The following PPM1E variants were observed in gnomAD, a reference collection of about 807,000 sequenced individuals.
The protein encoded by PPM1E is protein phosphatase 1E.
PPM1E carries 20 observed loss-of-function variants against 65.9 expected under a neutral mutation model. That is an observed-to-expected ratio of 0.30 (90% CI 0.21 to 0.44). The LOEUF (loss-of-function observed/expected upper bound fraction) is 0.44. PPM1E is among the 20% of genes least tolerant of loss of function. The probability of loss-of-function intolerance (pLI) is 1.00; values close to 1 mark genes in which losing one functional copy is unlikely to be tolerated. For synonymous variants in PPM1E, 352 were observed against 374.9 expected (o/e 0.94, Z 0.70); for missense variants, 713 against 953.1 (o/e 0.75, Z 3.32).
intron 1 of PPM1E, among the ~76,000 whole-genome samples, chr17:58,883,346 T>C (rs945985696): frequency 6.6e-6 from 1 of 152,136 alleles, no homozygotes; most frequent in Non-Finnish European, 1.5e-5. Flanking sequence ...CTCTTGGAAA[T>C]AATTTTTTTC....
chr17:58,932,527 A>G (rs2051915305), intron 1 of PPM1E, among the ~76,000 whole-genome samples: 1 of 152,204 alleles, frequency 6.6e-6, no homozygotes, highest in South Asian at 2.1e-4. Context: ...GAACTAATTT[A>G]TTAACATAAA....
chr17:58,801,726 C>A (rs551401307), intron 1 of PPM1E, among the ~76,000 whole-genome samples: 37 of 151,494 alleles, frequency 2.4e-4, no homozygotes, highest in Non-Finnish European at 3.7e-4. Flanking sequence ...CAGGTTTGAG[C>A]CACCACGCTC....
rs66678128 is a variant in PPM1E at position 58,772,974 on chromosome 17, CTT to C, written c.464+16525_464+16526del. 2.0e-4 allele frequency among the ~76,000 whole-genome samples: 30 copies of C among 146,802 alleles called. 1 individual carries two copies. Among genetic ancestry groups the C allele is most frequent in the South Asian group, 6.5e-4 (3 of 4,650 alleles). ...TAAATTGTAAAATATCTTTCTCTCT[CTT>C]TTTTTTTTTTTCCTCTGATCGTTTC... On this transcript the variant is annotated intron_variant, in intron 1 of 6. Transcript: ENST00000308249.
intron 1 of PPM1E, among the ~76,000 whole-genome samples, chr17:58,835,434 A>AT (rs1031756951): frequency 6.6e-6 from 1 of 151,534 alleles, no homozygotes; most frequent in African/African-American, 2.4e-5. Flanking sequence ...CCGAATTTTA[A>AT]TTTTTTTTTA....
chr17:58,859,980 A>G (rs190561063), intron 1 of PPM1E, among the ~76,000 whole-genome samples: 44 of 152,316 alleles, frequency 2.9e-4, no homozygotes, highest in African/African-American at 1.0e-3. Context: ...CTAAAGCCAT[A>G]TGGTTCTGCA....
intron 1 of PPM1E, among the ~76,000 whole-genome samples, chr17:58,942,881 C>T (rs1293450232): frequency 6.6e-6 from 1 of 151,522 alleles, no homozygotes; most frequent in Admixed American, 6.6e-5. Context: ...CTCAATTCTG[C>T]CTGATGCAGT....
chr17:58,859,210 G>C (rs1477448984), intron 1 of PPM1E, among the ~76,000 whole-genome samples: 1 of 152,174 alleles, frequency 6.6e-6, no homozygotes, highest in African/African-American at 2.4e-5. Context: ...AGGAAGATCA[G>C]TTCTACATTC....
chr17:58,833,456 A>G (rs745941883), intron 1 of PPM1E, among the ~76,000 whole-genome samples: 5 of 151,500 alleles, frequency 3.3e-5, no homozygotes, highest in African/African-American at 9.7e-5. Flanking sequence ...TTTAGCTCCC[A>G]CTTATAAGTG....
intron 4 of PPM1E, 102 bp downstream of exon 4, chr17:58,969,829 C>A: frequency 9.1e-7 from 1 of 1,094,578 alleles, no homozygotes; most frequent in Non-Finnish European, 1.3e-6. Context: ...TCTGGGCAGA[C>A]ATTATCCAAA....
chr17:58,767,415 A>C (rs1216654344), intron 1 of PPM1E, among the ~76,000 whole-genome samples: 1 of 152,196 alleles, frequency 6.6e-6, no homozygotes, highest in Non-Finnish European at 1.5e-5. Context: ...TATGATTCTC[A>C]TGCTACATTA....
At chr17:58,768,142 G>A (rs1028232204) in intron 1 of PPM1E, among the ~76,000 whole-genome samples, 2 of 152,088 alleles carry the variant, frequency 1.3e-5, no homozygotes, top group East Asian at 1.9e-4. Flanking sequence ...AGTAGAGATG[G>A]GGTTTCACCA....
rs902719453 is a variant in PPM1E, at chr17:58,983,177, A to T, written c.*2146A>T. On this transcript the variant is annotated 3_prime_UTR_variant, in exon 7 of 7. Transcript: ENST00000308249. ...GTCTGGATTTTGTAGGTCCGACTAC[A>T]CAGCAGTGTTAACTCATTTCTCATG... 1.7e-5 allele frequency: 7 copies of T among 413,710 alleles called. No homozygotes were observed. The highest frequency in any genetic ancestry group is 2.6e-5 in the Non-Finnish European group (6 of 229,456). The allele number at this position is 413,710 out of a possible 1,614,324, so 25.6% of individuals were successfully genotyped here.
chr17:58,918,779 C>G (rs1053901022), intron 1 of PPM1E, among the ~76,000 whole-genome samples: 16 of 145,640 alleles, frequency 1.1e-4, no homozygotes, highest in African/African-American at 4.1e-4. Context: ...GCACTCCAGC[C>G]TCGGTGACAA....
rs201186780 is a variant in PPM1E, at chr17:58,756,096, G to GGAACCC, written c.126_131dup (p.Pro43_Glu44dup). 0.6 allele frequency: 960,311 copies of GGAACCC among 1,597,566 alleles called. 296,551 individuals carry two copies. The highest frequency in any genetic ancestry group is 0.68 in the African/African-American group (50,260 of 74,004). ...CGTGCGGCGGCGGCGAGCCGGAGCC[G>GGAACCC]GAACCCGAACCCGAACCCGAACCCG... On this transcript the variant is annotated inframe_insertion, in exon 1 of 7. Coordinates refer to ENST00000308249, the MANE Select transcript of PPM1E (RefSeq NM_014906.5).
rs146132927 is a variant in PPM1E, at chr17:58,804,403, C to T, written c.464+47942C>T. On this transcript the variant is annotated intron_variant, in intron 1 of 6. Coordinates refer to ENST00000308249, the MANE Select transcript of PPM1E (RefSeq NM_014906.5). ...ACATTAAAACAGATAATGGAATATG[C>T]TCTTTTTTTCTTCCTACCAAAACAT... Among the ~76,000 whole-genome samples, 16 of 152,088 alleles carry T rather than the reference C, an allele frequency of 1.1e-4. No individual in the cohort carries two copies. In the East Asian group the frequency reaches 2.5e-3, roughly 24 times the overall value.
At chr17:58,901,705 G>A (rs942715316) in intron 1 of PPM1E, among the ~76,000 whole-genome samples, 3 of 151,164 alleles carry the variant, frequency 2.0e-5, no homozygotes, top group East Asian at 2.0e-4. Context: ...GGCCAGACGC[G>A]GTGGCTCACA....
intron 1 of PPM1E, among the ~76,000 whole-genome samples, chr17:58,778,792 T>C (rs1057212763): frequency 2.6e-5 from 4 of 151,892 alleles, no homozygotes; most frequent in African/African-American, 9.7e-5. Context: ...ATGCTCATTA[T>C]AGGAATTTTT....
intron 1 of PPM1E, among the ~76,000 whole-genome samples, chr17:58,926,481 G>A (rs192325577): frequency 6.6e-6 from 1 of 152,036 alleles, no homozygotes. Context: ...CTGGTTATAT[G>A]AATCATTTAA....
rs529902249 is a variant in PPM1E, at chr17:58,796,922, A to G, written c.464+40461A>G. On this transcript the variant is annotated intron_variant, in intron 1 of 6. Coordinates refer to ENST00000308249, the MANE Select transcript of PPM1E (RefSeq NM_014906.5). ...GGGGTTTGAGACCAGCCTTGCCAAC[A>G]TGGTGAAACCCCGTCTCTACTAAAA... is the stretch of plus-strand genomic sequence containing the variant. 5.9e-5 allele frequency among the ~76,000 whole-genome samples: 9 copies of G among 152,264 alleles called. No individual in the cohort carries two copies. In the East Asian group the frequency reaches 1.7e-3, roughly 29 times the overall value.
Sources: gnomAD v4.1 joint callset for allele counts (sites outside exome capture counted in the v4.1 genomes callset) on GRCh38, gnomAD v4.1.1 for gene constraint, MANE v1.5 for transcripts, NCBI Gene and HGNC (gene_info 2026-07-23, HGNC 2026-07-21) for gene names.